Variants in SPPL2B observed in about 807,000 individuals in gnomAD.
SPPL2B encodes signal peptide peptidase-like 2B.
In SPPL2B, 39 loss-of-function variants were observed where a neutral mutation model predicts 59.7. The observed-to-expected ratio is 0.65, with a 90% confidence interval of 0.51 to 0.85. The LOEUF is 0.85. SPPL2B is among the 40% of genes least tolerant of loss of function. The probability of loss-of-function intolerance (pLI) is 0.00; values close to 1 mark genes in which losing one functional copy is unlikely to be tolerated. For missense variants in SPPL2B, 865 were observed against 849.0 expected, an observed-to-expected ratio of 1.02 and a Z score of -0.23; for synonymous variants, 419 against 370.8, an observed-to-expected ratio of 1.13 and a Z score of -1.49.
At chr19:2,334,135 A>T (rs1968431201) in intron 1 of SPPL2B, among the ~76,000 whole-genome samples, 1 of 152,054 alleles carries the variant, frequency 6.6e-6, no homozygotes, top group African/African-American at 2.4e-5. Flanking sequence ...GTCAAAGGCC[A>T]CCCAGACCTG....
chr19:2,331,681 CA>C (rs144307261), intron 1 of SPPL2B, among the ~76,000 whole-genome samples: 79 of 152,300 alleles, frequency 5.2e-4, no homozygotes, highest in African/African-American at 1.6e-3. Flanking sequence ...GCAGTTCTAT[CA>C]GTTCCCATTT....
chr19:2,341,441 A>G lies in SPPL2B; in HGVS notation c.956+427A>G, dbSNP rs773519279. 4.6e-5 allele frequency: 21 copies of G among 454,508 alleles called. No individual in the cohort carries two copies. The East Asian group carries it at 1.5e-3, about 31-fold the overall frequency. 28.2% of individuals were successfully genotyped at this position (454,508 alleles called of 1,614,324 possible). A position where few individuals can be genotyped will look rare whatever the true frequency, so the allele number is the denominator to read the frequency against. On this transcript the variant is annotated intron_variant, in intron 8 of 14. Transcript: ENST00000613503. ...GTCATGACTGCTGCGGCTTCTGAGC[A>G]GTGGTGGAGGTGGGGCAGGCACTGC...
At chr19:2,339,576 A>C (rs1968885065) in intron 5 of SPPL2B, 4 of 597,062 alleles carry the variant, frequency 6.7e-6, no homozygotes, top group Non-Finnish European at 1.2e-5. Context: ...GTTGCTGCCC[A>C]CACGCCAGCC....
chr19:2,336,996 G>C (rs946337706), intron 2 of SPPL2B: 67 of 158,274 alleles, frequency 4.2e-4, no homozygotes. Flanking sequence ...GCCTGGCTGT[G>C]GGTGTGTGTG....
In SPPL2B at chr19:2,339,730, T is replaced by C. The variant is rs368826251; in HGVS notation, c.600-94T>C. The stretch of plus-strand genomic sequence containing the variant: ...CCCCGGGTCCCCTCCTGCTCCCGGG[T>C]TTTCTGCCCCGTTCCCCCGGGTGGC... On this transcript the variant is annotated intron_variant, in intron 5 of 14. Coordinates refer to ENST00000613503, the MANE Select transcript of SPPL2B (RefSeq NM_152988.3). 893 of 1,469,474 alleles carry C rather than the reference T, an allele frequency of 6.1e-4. 17 individuals carry two copies. In the South Asian group the frequency reaches 9.2e-3, roughly 15 times the overall value. 91.0% of individuals were successfully genotyped at this position (1,469,474 alleles called of 1,614,324 possible).
chr19:2,351,502 C>T lies in SPPL2B; in HGVS notation c.1423C>T (p.Leu475Phe), dbSNP rs1390233958. 7 of 1,610,926 alleles carry T rather than the reference C, an allele frequency of 4.3e-6. No individual in the cohort carries two copies. Among genetic ancestry groups the T allele is most frequent in the East Asian group, 2.2e-5 (1 of 44,878 alleles). The change falls in exon 14 of 15, where the codon CTC becomes TTC. Residue 475 changes from leucine to phenylalanine, a missense_variant. Transcript: ENST00000613503. ...ALMQRGQPALLYLVPCTLVTS... is the reference protein window; with the variant it reads ...ALMQRGQPALFYLVPCTLVTS... ...GATGCAGCGTGGCCAGCCCGCTCTC[C>T]TCTACCTGGTGCCCTGCACGCTGGT...
intron 8 of SPPL2B, chr19:2,341,567 C>T (rs1599225365): frequency 4.4e-6 from 2 of 454,308 alleles, no homozygotes; most frequent in Non-Finnish European, 4.4e-6. Flanking sequence ...GTTGGGAGGA[C>T]AGAGCTGGCC....
chr19:2,346,060 C>T (rs1201250454), intron 13 of SPPL2B, among the ~76,000 whole-genome samples: 5 of 152,154 alleles, frequency 3.3e-5, no homozygotes, highest in Admixed American at 6.5e-5. Context: ...TCTACTGTTT[C>T]TTTTGTTATG....
At chr19:2,340,341 C>T (rs1012156382) in intron 7 of SPPL2B, among the ~76,000 whole-genome samples, 169 bp downstream of exon 7, 18 of 152,254 alleles carry the variant, frequency 1.2e-4, no homozygotes, top group African/African-American at 3.6e-4. Context: ...GGAGTCTGGG[C>T]GAGCTATCAA....
chr19:2,345,428 C>T (rs1053646587), intron 13 of SPPL2B, 98 bp downstream of exon 13: 6 of 992,906 alleles, frequency 6.0e-6, no homozygotes, highest in Non-Finnish European at 9.4e-6. Context: ...CAACCCCAAC[C>T]CTAACCCTAA....
At chr19:2,345,427 C>G (rs956510650) in intron 13 of SPPL2B, 97 bp downstream of exon 13, 2 of 990,094 alleles carry the variant, frequency 2.0e-6, no homozygotes, top group South Asian at 2.7e-5. Context: ...CCAACCCCAA[C>G]CCTAACCCTA....
At chr19:2,343,099 C>T in intron 8 of SPPL2B, 112 bp from the exon 9 acceptor site, 1 of 799,392 alleles carries the variant, frequency 1.3e-6, no homozygotes, top group Non-Finnish European at 2.1e-6. Context: ...GGTGGAAGGG[C>T]AGTGGGGCTG....
At position 2,339,969 on chromosome 19, in the gene SPPL2B, G is replaced by A. The variant is rs551336177; in HGVS notation, c.742+3G>A. 1.3e-6 allele frequency: 2 copies of A among 1,552,964 alleles called. No homozygotes were observed. Among genetic ancestry groups the A allele is most frequent in the Admixed American group, 3.9e-5 (2 of 51,086 alleles). ...CTACTATTTCTACGATCTCCTCGGT[G>A]CGCGGCCCCGGGCGGGTGGGCCGCG... is the stretch of plus-strand genomic sequence containing the variant. On this transcript the variant is annotated splice_donor_region_variant and intron_variant, in intron 6 of 14. Transcript: ENST00000613503.
chr19:2,330,828 G>GT (rs1465912166), intron 1 of SPPL2B: 4 of 152,384 alleles, frequency 2.6e-5, no homozygotes, highest in Non-Finnish European at 5.9e-5. Flanking sequence ...GCTGAGGAGT[G>GT]TGAGCTTTAT....
At chr19:2,348,839 C>G (rs866315795) in intron 13 of SPPL2B, among the ~76,000 whole-genome samples, 3 of 145,070 alleles carry the variant, frequency 2.1e-5, no homozygotes, top group African/African-American at 7.8e-5. Flanking sequence ...ATTCCATTCT[C>G]TCCCTCCACA....
intron 9 of SPPL2B, 87 bp from the exon 10 acceptor site, chr19:2,343,878 C>T: frequency 1.9e-6 from 2 of 1,051,680 alleles, no homozygotes; most frequent in Non-Finnish European, 2.8e-6. Context: ...AAGGCTGCCT[C>T]CCAGGAGGAG....
rs776909336 is a variant in SPPL2B at position 2,334,703 on chromosome 19, G to T, written c.168G>T (p.Pro56=). Residue 56 remains proline (P), a synonymous_variant, in exon 2 of 15, where the codon CCG becomes CCT. Transcript: ENST00000613503. ...ACAACCCGCAGTGGGCCCATCTTCC[G>T]CACGACCTCAGCAAGGCAGTGAGTA... The part of the protein sequence containing the change: ...ILYNPQWAHL[P]HDLSKASFLQ... 8.7e-6 allele frequency: 14 copies of T among 1,609,412 alleles called. No homozygotes were observed. Among genetic ancestry groups the T allele is most frequent in the African/African-American group, 1.3e-5 (1 of 74,900 alleles).
At chr19:2,337,276 T>C in intron 2 of SPPL2B, 167 bp from the exon 3 acceptor site, 1 of 581,522 alleles carries the variant, frequency 1.7e-6, no homozygotes, top group Non-Finnish European at 2.9e-6. Context: ...GGTCCGGCTG[T>C]GGGAGCTGCA....
intron 5 of SPPL2B, 195 bp from the exon 6 acceptor site, chr19:2,339,629 C>T (rs1287998224): frequency 5.4e-5 from 35 of 647,800 alleles, no homozygotes; most frequent in Non-Finnish European, 8.2e-5. Flanking sequence ...CCCAGGGACG[C>T]GGGCCCTGCC....
Sources: allele counts gnomAD v4.1 joint callset (sites outside exome capture counted in the v4.1 genomes callset), GRCh38; gene constraint gnomAD v4.1.1; transcripts MANE v1.5; gene names NCBI Gene and HGNC (gene_info 2026-07-23, HGNC 2026-07-21).